Variants in ERG observed in about 807,000 individuals in gnomAD.
The protein encoded by ERG is ETS transcription factor ERG.
A neutral mutation model predicts 55.3 loss-of-function variants in ERG; 9 were observed. That is an observed-to-expected ratio of 0.16 (90% CI 0.10 to 0.28). The LOEUF (loss-of-function observed/expected upper bound fraction) is 0.28, where lower values mean the gene tolerates loss of function less well. Among genes scored for constraint, ERG ranks in the 10% least tolerant of loss-of-function variants. The probability of loss-of-function intolerance (pLI) is 1.00; values close to 1 mark genes in which losing one functional copy is unlikely to be tolerated. For synonymous variants in ERG, 223 were observed against 237.3 expected, an observed-to-expected ratio of 0.94 and a Z score of 0.55; for missense variants, 434 against 631.6, an observed-to-expected ratio of 0.69 and a Z score of 3.35.
the ERG span, among the ~76,000 whole-genome samples, chr21:38,372,087 A>G: frequency 6.6e-6 from 1 of 152,060 alleles, no homozygotes; most frequent in African/African-American, 2.4e-5. Context: ...TGTTTTCTAC[A>G]CAAATTTATT....
chr21:38,576,425 C>G (rs1192181804), intron 1 of ERG, among the ~76,000 whole-genome samples: 1 of 151,814 alleles, frequency 6.6e-6, no homozygotes, highest in East Asian at 1.9e-4. Context: ...ACTCCAGAGC[C>G]CAAAAAAAAT....
intron 3 of ERG, among the ~76,000 whole-genome samples, chr21:38,421,993 C>T (rs1218297513): frequency 6.6e-6 from 1 of 152,146 alleles, no homozygotes; most frequent in African/African-American, 2.4e-5. Context: ...GCTGGGATTA[C>T]AGGTGTGAGC....
intron 1 of ERG, among the ~76,000 whole-genome samples, chr21:38,462,484 C>T (rs2059052961): frequency 6.6e-6 from 1 of 152,146 alleles, no homozygotes; most frequent in African/African-American, 2.4e-5. Flanking sequence ...ACAGTCTGTA[C>T]TTACTGAAGT....
chr21:38,635,323 A>G (rs912324949), intron 1 of ERG, among the ~76,000 whole-genome samples: 1 of 152,162 alleles, frequency 6.6e-6, no homozygotes, highest in Non-Finnish European at 1.5e-5. Context: ...CAAAACCCAT[A>G]AAACATACAA....
chr21:38,521,153 G>A (rs1383444291), intron 2 of ERG, among the ~76,000 whole-genome samples: 2 of 152,158 alleles, frequency 1.3e-5, no homozygotes, highest in African/African-American at 4.8e-5. Flanking sequence ...GGGCTTCAGT[G>A]AGTGTGCATC....
chr21:38,498,613 C>G, upstream of ERG: 1 of 789,930 alleles, frequency 1.3e-6, no homozygotes. This position sits in a 1 kb window ranked among gnomAD's most constrained non-coding sequence, Gnocchi z 4.6. Context: ...TGTTGTTTTT[C>G]TTGATGATAT....
At chr21:38,586,831 C>T (rs374716972), upstream of ERG, among the ~76,000 whole-genome samples, 8 of 152,280 alleles carry the variant, frequency 5.3e-5, no homozygotes, top group East Asian at 1.4e-3. Flanking sequence ...CAAAGAGGTA[C>T]CAGCCCTCCC....
chr21:38,572,189 T>C (rs2059962115), intron 2 of ERG, among the ~76,000 whole-genome samples: 1 of 59,926 alleles, frequency 1.7e-5, no homozygotes, highest in Admixed American at 1.7e-4. Context: ...ACCCCGTCTC[T>C]ACTAAAAAAA....
At chr21:38,549,962 CA>C (rs1257396423) in intron 2 of ERG, among the ~76,000 whole-genome samples, 1 of 152,160 alleles carries the variant, frequency 6.6e-6, no homozygotes, top group African/African-American at 2.4e-5. Flanking sequence ...TACCTCACAG[CA>C]GCCCATGGGG....
At chr21:38,459,125 C>T (rs796078145) in intron 1 of ERG, among the ~76,000 whole-genome samples, 21 of 152,294 alleles carry the variant, frequency 1.4e-4, no homozygotes, top group African/African-American at 4.8e-4. Flanking sequence ...CTCTACTAGG[C>T]TATCATTTCT....
chr21:38,544,505 A>T (rs1414701689), intron 2 of ERG, among the ~76,000 whole-genome samples: 1 of 152,208 alleles, frequency 6.6e-6, no homozygotes, highest in Non-Finnish European at 1.5e-5. Context: ...AGGTGGTACC[A>T]GTGGGATCTG....
chr21:38,386,089 A>C (rs1319146629), intron 9 of ERG, among the ~76,000 whole-genome samples: 2 of 152,228 alleles, frequency 1.3e-5, no homozygotes, highest in Admixed American at 1.3e-4. Flanking sequence ...ATCAGTGGAC[A>C]AAAGTGATCT....
At chr21:38,647,293 T>A (rs2060462984) in intron 1 of ERG, among the ~76,000 whole-genome samples, 1 of 152,166 alleles carries the variant, frequency 6.6e-6, no homozygotes, top group African/African-American at 2.4e-5. Flanking sequence ...TAAGGTCACG[T>A]ACGGGCATCC....
chr21:38,427,486 C>T (rs1043155526), intron 2 of ERG, among the ~76,000 whole-genome samples: 1 of 152,186 alleles, frequency 6.6e-6, no homozygotes, highest in Non-Finnish European at 1.5e-5. Context: ...CTGGCATTGT[C>T]TCCACTTTCC....
chr21:38,414,181 C>T (rs1386664800), intron 3 of ERG, among the ~76,000 whole-genome samples: 1 of 152,152 alleles, frequency 6.6e-6, no homozygotes, highest in African/African-American at 2.4e-5. Context: ...TGCATCAGTC[C>T]AACCTCTGCC....
intron 2 of ERG, among the ~76,000 whole-genome samples, chr21:38,573,356 G>A (rs1054741416): frequency 2.6e-5 from 4 of 152,218 alleles, no homozygotes; most frequent in South Asian, 2.1e-4. Context: ...TTGCAGTTGA[G>A]ATAGAGGAAG....
intron 1 of ERG, among the ~76,000 whole-genome samples, chr21:38,455,410 C>T (rs188741959): frequency 1.3e-5 from 2 of 152,202 alleles, no homozygotes. Flanking sequence ...CAAGGAGTAG[C>T]AAAGTTGCTT....
At chr21:38,607,212 T>C (rs2060201418) in intron 1 of ERG, among the ~76,000 whole-genome samples, 1 of 152,170 alleles carries the variant, frequency 6.6e-6, no homozygotes. Context: ...AGAGTGAGTA[T>C]AAATTGAAGA....
chr21:38,397,254 G>C (rs1988266071), intron 6 of ERG, among the ~76,000 whole-genome samples: 1 of 152,062 alleles, frequency 6.6e-6, no homozygotes, highest in Non-Finnish European at 1.5e-5. Context: ...AGCAGTCAGG[G>C]GGCTCTGGAA....
Sources: allele counts gnomAD v4.1 joint callset (sites outside exome capture counted in the v4.1 genomes callset), GRCh38; gene constraint gnomAD v4.1.1; non-coding constraint Gnocchi (gnomAD v3.1); transcripts MANE v1.5; gene names NCBI Gene and HGNC (gene_info 2026-07-23, HGNC 2026-07-21).